LAMA2: variants seen among roughly 807,000 people sequenced by gnomAD.
The protein encoded by LAMA2 is laminin subunit alpha-2.
In LAMA2, 269 loss-of-function variants were observed where a neutral mutation model predicts 364.8. The observed-to-expected ratio is 0.74, with a 90% CI of 0.67 to 0.82. LAMA2 has a LOEUF of 0.82. Ranked by LOEUF, LAMA2 falls within the 40% of genes least tolerant of loss-of-function variation. The pLI, the probability that LAMA2 is intolerant of heterozygous loss-of-function variation, is 0.00. For missense variants in LAMA2, 3,807 were observed against 3,873.2 expected (o/e 0.98, Z 0.45); for synonymous variants, 1,379 against 1,370.6 (o/e 1.01, Z -0.14).
At position 129,075,112 on chromosome 6, in the gene LAMA2, G is replaced by A. The variant is rs79135918; in HGVS notation, c.396+15216G>A. On this transcript the variant is annotated intron_variant, in intron 3 of 64. Coordinates refer to ENST00000421865, the MANE Select transcript of LAMA2 (RefSeq NM_000426.4). ...TAAGATTATAATAAGATTATAGACG[G>A]TGATGAAAGAGCTAATTTACATGTA... Among the ~76,000 whole-genome samples, 1,263 of 152,238 alleles carry A rather than the reference G, an allele frequency of 8.3e-3. 10 individuals carry two copies. The highest frequency in any genetic ancestry group is 0.014 in the Non-Finnish European group (939 of 68,018).
intron 39 of LAMA2, among the ~76,000 whole-genome samples, chr6:129,403,136 G>T (rs1477070043): frequency 6.6e-6 from 1 of 152,152 alleles, no homozygotes; most frequent in African/African-American, 2.4e-5. Context: ...GGTGCTATTA[G>T]CCCCAAGAAT....
chr6:128,925,934 C>T (rs190548728), intron 1 of LAMA2, among the ~76,000 whole-genome samples: 1 of 152,204 alleles, frequency 6.6e-6, no homozygotes, highest in East Asian at 1.9e-4. Flanking sequence ...ACTGAATAGG[C>T]CATTTTATTC....
intron 14 of LAMA2, among the ~76,000 whole-genome samples, chr6:129,259,755 T>C (rs563588303): frequency 6.6e-6 from 1 of 152,204 alleles, no homozygotes; most frequent in South Asian, 2.1e-4. Flanking sequence ...TGGACTATTA[T>C]ATTATCTCCA....
intron 43 of LAMA2, chr6:129,442,200 C>T (rs770315686): frequency 1.5e-6 from 2 of 1,320,602 alleles, no homozygotes; most frequent in Non-Finnish European, 2.0e-6. Context: ...GGAATGGAGC[C>T]TGATTTCAGC....
At chr6:129,390,499 C>T (rs990331688) in intron 35 of LAMA2, among the ~76,000 whole-genome samples, 1 of 151,940 alleles carries the variant, frequency 6.6e-6, no homozygotes, top group East Asian at 1.9e-4. Flanking sequence ...TTCGGATACA[C>T]CCTTGAATGG....
intron 1 of LAMA2, among the ~76,000 whole-genome samples, chr6:129,009,788 A>G (rs1054759689): frequency 6.6e-6 from 1 of 152,194 alleles, no homozygotes. Flanking sequence ...ATTTCACCAG[A>G]TGACCTTCCC....
At position 129,455,586 on chromosome 6, in the gene LAMA2, T is replaced by C. The variant is rs981937501; in HGVS notation, c.6708-749T>C. Among the ~76,000 whole-genome samples, 3 of 152,156 alleles carry C rather than the reference T, an allele frequency of 2.0e-5. No individual in the cohort carries two copies. The South Asian group carries it at 6.2e-4, about 31-fold the overall frequency. ...GAAATATGACATCGAAGTTTTGTTATGACTGCTTGTCTCAAAAGAGAGACC... is the reference window on the plus strand; with the variant it reads ...GAAATATGACATCGAAGTTTTGTTACGACTGCTTGTCTCAAAAGAGAGACC... On this transcript the variant is annotated intron_variant, in intron 47 of 64. Transcript: ENST00000421865.
chr6:128,945,155 A>C (rs916949452), intron 1 of LAMA2, among the ~76,000 whole-genome samples: 2 of 152,236 alleles, frequency 1.3e-5, no homozygotes, highest in Non-Finnish European at 2.9e-5. Context: ...AAATATCAGT[A>C]AGAAGAAGTA....
intron 9 of LAMA2, 128 bp downstream of exon 9, chr6:129,165,803 T>C (rs1157370740): frequency 1.4e-6 from 1 of 698,660 alleles, no homozygotes; most frequent in African/African-American, 1.8e-5. Context: ...AATCTATCAG[T>C]GTATTAGCGT....
At chr6:129,444,120 G>A (rs1443750696) in intron 44 of LAMA2, among the ~76,000 whole-genome samples, 1 of 152,034 alleles carries the variant, frequency 6.6e-6, no homozygotes, top group Non-Finnish European at 1.5e-5. Context: ...ACTAGACAAG[G>A]GAGGAAATTT....
chr6:129,404,519 C>T (rs1780148062), intron 40 of LAMA2, among the ~76,000 whole-genome samples: 2 of 152,100 alleles, frequency 1.3e-5, no homozygotes, highest in African/African-American at 4.8e-5. Context: ...AGAGTTTGGG[C>T]ATTCCAAGTT....
At chr6:129,011,067 G>A (rs1240413121) in intron 1 of LAMA2, among the ~76,000 whole-genome samples, 1 of 152,078 alleles carries the variant, frequency 6.6e-6, no homozygotes, top group Non-Finnish European at 1.5e-5. Flanking sequence ...TGCAACCTCA[G>A]CCTCCCAGGT....
chr6:129,041,008 A>G (rs960568749), intron 1 of LAMA2, among the ~76,000 whole-genome samples: 10 of 152,196 alleles, frequency 6.6e-5, no homozygotes, highest in African/African-American at 2.4e-4. Flanking sequence ...CTTTAATAAT[A>G]AAATTTTCAC....
rs1398507719 is a variant in LAMA2 at position 128,883,831 on chromosome 6, CACACAT to C, written c.112+476_112+481del. On this transcript the variant is annotated intron_variant, in intron 1 of 64. Coordinates refer to ENST00000421865, the MANE Select transcript of LAMA2 (RefSeq NM_000426.4). ...ACACACACACACACACACACACACA[CACACAT>C]ATATATATATATAAAGTTTTACAGA... Among the ~76,000 whole-genome samples, 180 of 114,214 alleles carry C rather than the reference CACACAT, an allele frequency of 1.6e-3. 1 individual carries two copies. The highest frequency in any genetic ancestry group is 3.7e-3 in the African/African-American group (96 of 25,838). 74.9% of individuals were successfully genotyped at this position (114,214 alleles called of 152,430 possible).
intron 8 of LAMA2, chr6:129,158,556 T>A: frequency 6.2e-7 from 1 of 1,614,080 alleles, no homozygotes; most frequent in South Asian, 1.1e-5. Context: ...ATCACGATTG[T>A]AACGACGTCT....
rs1554320205 is a variant in LAMA2 at position 129,514,477 on chromosome 6, C to CA, written c.9095dup (p.Ile3033AspfsTer6). The CA allele has an allele frequency of 1.9e-6, 3 of 1,614,068 alleles. No individual in the cohort carries two copies. Among genetic ancestry groups the CA allele is most frequent in the Non-Finnish European group, 2.5e-6 (3 of 1,179,972 alleles). ...GACAATGGCATAAAGTCACTGCCAA[C>CA]AAGATCAAACACCGCATTGAGCTCA... On this transcript the variant is annotated frameshift_variant, in exon 64 of 65. Coordinates refer to ENST00000421865, the MANE Select transcript of LAMA2 (RefSeq NM_000426.4). LOFTEE classifies it high-confidence loss of function.
chr6:129,298,749 A>G lies in LAMA2; in HGVS notation c.3037+884A>G, dbSNP rs545475357. ...ATATTTAAAACTATTTAAAGAACCA[A>G]TATCTTTCAGACATTCTCCAGCACT... is the stretch of plus-strand genomic sequence containing the variant. On this transcript the variant is annotated intron_variant, in intron 21 of 64. Transcript: ENST00000421865. 2.0e-5 allele frequency among the ~76,000 whole-genome samples: 3 copies of G among 152,310 alleles called. No homozygotes were observed. The East Asian group carries it at 5.8e-4, about 29-fold the overall frequency.
chr6:129,294,311 C>A (rs1328207008), intron 20 of LAMA2, among the ~76,000 whole-genome samples: 2 of 152,192 alleles, frequency 1.3e-5, no homozygotes, highest in African/African-American at 4.8e-5. Flanking sequence ...CATCTTAATT[C>A]ATTCAGAGTG....
At chr6:129,240,913 A>G (rs888789959) in intron 12 of LAMA2, among the ~76,000 whole-genome samples, 1 of 152,208 alleles carries the variant, frequency 6.6e-6, no homozygotes, top group African/African-American at 2.4e-5. Flanking sequence ...CTTCAACTGC[A>G]GATCAAACTT....
Sources: gnomAD v4.1 joint callset for allele counts (sites outside exome capture counted in the v4.1 genomes callset) on GRCh38, gnomAD v4.1.1 for gene constraint, MANE v1.5 for transcripts, NCBI Gene and HGNC (gene_info 2026-07-23, HGNC 2026-07-21) for gene names.